The following FRMPD4 variants were observed in gnomAD, a reference collection of about 807,000 sequenced individuals.
FRMPD4 encodes the protein FERM and PDZ domain containing 4.
Under a neutral mutation model 94.1 loss-of-function variants are expected in FRMPD4, and 22 were observed. That is an observed-to-expected ratio of 0.23 (90% CI 0.17 to 0.33). The LOEUF (loss-of-function observed/expected upper bound fraction) is 0.33, where lower values mean the gene tolerates loss of function less well. Ranked by LOEUF, FRMPD4 falls within the 10% of genes least tolerant of loss-of-function variation. The pLI is 1.00. For synonymous variants in FRMPD4, 631 were observed against 548.6 expected (o/e 1.15, Z -2.10); for missense variants, 1,111 against 1,339.9 (o/e 0.83, Z 2.67).
At chrX:12,249,715 C>T (rs2054007017) in intron 1 of FRMPD4, among the ~76,000 whole-genome samples, 1 of 111,500 alleles carries the variant, frequency 9.0e-6, no homozygotes, top group Admixed American at 9.5e-5. Context: ...AGAAAGAAGA[C>T]CATTTGGGCA....
chrX:12,626,748 T>C (rs1405245865), intron 4 of FRMPD4, among the ~76,000 whole-genome samples: 1 of 105,253 alleles, frequency 9.5e-6, no homozygotes. Flanking sequence ...TTGCAGTCGA[T>C]GGGAGATTGG....
chrX:11,867,478 C>A (rs1316028110), intron 2 of FRMPD4, among the ~76,000 whole-genome samples: 3 of 111,558 alleles, frequency 2.7e-5, no homozygotes, highest in Non-Finnish European at 5.6e-5. Context: ...CTGACAGACC[C>A]CTTGATAACT....
chrX:12,552,890 T>C (rs780816842), intron 2 of FRMPD4, among the ~76,000 whole-genome samples: 40 of 112,621 alleles, frequency 3.6e-4, no homozygotes, highest in Non-Finnish European at 4.9e-4. Context: ...GTGCAATGCC[T>C]CGTGCCTGTA....
At chrX:12,422,519 G>A (rs1421404180) in intron 1 of FRMPD4, among the ~76,000 whole-genome samples, 4 of 111,857 alleles carry the variant, frequency 3.6e-5, no homozygotes, top group Non-Finnish European at 7.5e-5. Flanking sequence ...AAGGCTGTTT[G>A]AAGAATTCAA....
chrX:12,290,272 G>A (rs754408364), intron 1 of FRMPD4, among the ~76,000 whole-genome samples: 3 of 111,875 alleles, frequency 2.7e-5, no homozygotes, highest in Non-Finnish European at 5.6e-5. Flanking sequence ...GTCCAAAAAC[G>A]ATTCAGGTAA....
chrX:12,096,886 C>A (rs2055210306), intron 3 of FRMPD4, among the ~76,000 whole-genome samples: 1 of 110,980 alleles, frequency 9.0e-6, no homozygotes, highest in African/African-American at 3.3e-5. Flanking sequence ...GACCCCATCT[C>A]TAAAACAAAC....
In FRMPD4 at chrX:12,696,586, CAA is replaced by C. The variant is rs57877846; in HGVS notation, c.933+2151_933+2152del. On this transcript the variant is annotated intron_variant, in intron 9 of 16. Coordinates refer to ENST00000675598, the MANE Select transcript of FRMPD4 (RefSeq NM_001368397.1). ...AAAGAGAGAAAAAACAAAAATGAAG[CAA>C]AAAAAAAAAAAAAAAAAAGACACAC... is the stretch of plus-strand genomic sequence containing the variant. Among the ~76,000 whole-genome samples, 50 of 30,056 alleles carry C rather than the reference CAA, an allele frequency of 1.7e-3. 1 individual carries two copies. The highest frequency in any genetic ancestry group is 0.025 in the Middle Eastern group (1 of 40). 26.1% of individuals were successfully genotyped at this position (30,056 alleles called of 115,157 possible). A position where few individuals can be genotyped will look rare whatever the true frequency, so the allele number is the denominator to read the frequency against.
intron 1 of FRMPD4, among the ~76,000 whole-genome samples, chrX:11,856,898 T>C (rs2053656932): frequency 9.0e-6 from 1 of 111,519 alleles, no homozygotes; most frequent in Admixed American, 9.5e-5. Flanking sequence ...TCACTAGCAA[T>C]CCTAGACACC....
chrX:12,042,743 A>G (rs989276340), intron 3 of FRMPD4, among the ~76,000 whole-genome samples: 1 of 112,042 alleles, frequency 8.9e-6, no homozygotes, highest in East Asian at 2.8e-4. Context: ...CTAAGGTGAT[A>G]TCATTTCCAG....
At chrX:12,427,100 G>A (rs918429229) in intron 1 of FRMPD4, among the ~76,000 whole-genome samples, 30 of 111,712 alleles carry the variant, frequency 2.7e-4, no homozygotes, top group African/African-American at 8.1e-4. Context: ...ATTAGTTATC[G>A]TTATGATGTA....
intron 1 of FRMPD4, among the ~76,000 whole-genome samples, chrX:11,847,734 G>T (rs911505448): frequency 1.3e-4 from 14 of 109,043 alleles, no homozygotes; most frequent in African/African-American, 4.4e-4. Flanking sequence ...CCTTTGTAGG[G>T]ACATGGATGA....
In FRMPD4 at chrX:11,951,868, TAAC is replaced by T. The variant is rs757917031; in HGVS notation, c.95+73862_95+73864del. The stretch of plus-strand genomic sequence containing the variant: ...GGGCAACAAGACAAAATCCCGTCTC[TAAC>T]AACAACAACAAAAAATTAGCCTGGT... On this transcript the variant is annotated intron_variant, in intron 3 of 18. Transcript: ENST00000640291. Among the ~76,000 whole-genome samples the T allele has an allele frequency of 3.6e-5, 4 of 111,231 alleles. No homozygotes were observed. In the East Asian group the frequency reaches 1.1e-3, roughly 32 times the overall value.
chrX:11,996,970 G>A (rs990658859), intron 3 of FRMPD4, among the ~76,000 whole-genome samples: 4 of 111,387 alleles, frequency 3.6e-5, no homozygotes, highest in African/African-American at 1.3e-4. Context: ...ATTACTACAT[G>A]GCTTAAAATG....
intron 3 of FRMPD4, among the ~76,000 whole-genome samples, chrX:11,946,386 T>C (rs748418086): frequency 2.7e-5 from 3 of 111,661 alleles, no homozygotes; most frequent in Admixed American, 9.5e-5. Context: ...TCCTTCCCTT[T>C]TAAAGTTAGG....
chrX:12,566,403 C>A (rs1236004013), intron 2 of FRMPD4, among the ~76,000 whole-genome samples: 3 of 111,370 alleles, frequency 2.7e-5, no homozygotes, highest in Non-Finnish European at 5.7e-5. Flanking sequence ...TTCTGTATAT[C>A]ATTTCTGATG....
At chrX:12,321,501 A>T (rs2055206934) in intron 1 of FRMPD4, among the ~76,000 whole-genome samples, 1 of 112,229 alleles carries the variant, frequency 8.9e-6, no homozygotes, top group Non-Finnish European at 1.9e-5. Context: ...ATGTTAGATG[A>T]TGTTGCCCAA....
intron 3 of FRMPD4, among the ~76,000 whole-genome samples, chrX:11,948,184 T>C (rs1410792090): frequency 5.4e-5 from 6 of 110,529 alleles, no homozygotes; most frequent in Non-Finnish European, 1.1e-4. Context: ...TGGGCTTTAC[T>C]GTGTTCTTTG....
chrX:12,432,933 G>A (rs1445909123), intron 1 of FRMPD4, among the ~76,000 whole-genome samples: 1 of 112,404 alleles, frequency 8.9e-6, no homozygotes, highest in Non-Finnish European at 1.9e-5. Flanking sequence ...AGAAAATGAA[G>A]TGTATTTCTC....
intron 1 of FRMPD4, among the ~76,000 whole-genome samples, chrX:12,406,035 C>T (rs1185439009): frequency 9.0e-6 from 1 of 110,946 alleles, no homozygotes; most frequent in African/African-American, 3.3e-5. Context: ...CGCTCTTGCC[C>T]CCACCCCAGA....
Sources: allele counts gnomAD v4.1 joint callset (sites outside exome capture counted in the v4.1 genomes callset), GRCh38; gene constraint gnomAD v4.1.1; transcripts MANE v1.5; gene names NCBI Gene and HGNC (gene_info 2026-07-23, HGNC 2026-07-21).